The following GNPTAB variants were observed in gnomAD, a reference collection of about 807,000 sequenced individuals.
The protein encoded by GNPTAB is N-acetylglucosamine-1-phosphotransferase subunits alpha/beta.
Under a neutral mutation model 136.6 loss-of-function variants are expected in GNPTAB, and 92 were observed. The ratio of observed to expected loss-of-function variants is 0.67; its 90% CI spans 0.57 to 0.80. The LOEUF (loss-of-function observed/expected upper bound fraction) is 0.80. GNPTAB is among the 30% of genes least tolerant of loss of function. The pLI, the probability that GNPTAB is intolerant of heterozygous loss-of-function variation, is 0.00. For synonymous variants in GNPTAB, 512 were observed against 535.1 expected (o/e 0.96, Z 0.60); for missense variants, 1,343 against 1,501.8 (o/e 0.89, Z 1.75).
chr12:101,759,890 C>T, intron 16 of GNPTAB, 140 bp downstream of exon 16: 1 of 687,168 alleles, frequency 1.5e-6, no homozygotes, highest in Non-Finnish European at 2.7e-6. Flanking sequence ...TTCGGATTAC[C>T]TGTGCTACTG....
intron 16 of GNPTAB, 65 bp downstream of exon 16, chr12:101,759,965 G>T: frequency 2.1e-6 from 2 of 946,878 alleles, no homozygotes; most frequent in Non-Finnish European, 3.5e-6. Flanking sequence ...ATACAGAAAT[G>T]CTGTAAGTAA....
rs1060499680 is a variant in GNPTAB, at chr12:101,768,036, C to T, written c.1408+1G>A. The T allele has an allele frequency of 6.2e-7, 1 of 1,614,034 alleles. No individual in the cohort carries two copies. On this transcript the variant is annotated splice_donor_variant, in intron 11 of 20. Coordinates refer to ENST00000299314, the MANE Select transcript of GNPTAB (RefSeq NM_024312.5). LOFTEE classifies it high-confidence loss of function. ...CGAATTACAGTTTAACACATCCTTACCAGAGCAATCCCCACCATCCCAATC... is the reference window on the plus strand; with the variant it reads ...CGAATTACAGTTTAACACATCCTTATCAGAGCAATCCCCACCATCCCAATC...
chr12:101,824,965 T>C (rs960304656), intron 1 of GNPTAB, among the ~76,000 whole-genome samples: 1 of 152,166 alleles, frequency 6.6e-6, no homozygotes, highest in Non-Finnish European at 1.5e-5. Flanking sequence ...CTTCCTAAAA[T>C]AATCTTTCCT....
rs1594214034 is a variant in GNPTAB at position 101,764,694 on chromosome 12, C to T, written c.2223G>A (p.Met741Ile). Residue 741 changes from methionine (M) to isoleucine (I), a missense_variant, in exon 13 of 21, where the codon ATG becomes ATA. By Grantham distance (10) the Met-to-Ile change is conservative (BLOSUM62 1). Coordinates refer to ENST00000299314, the MANE Select transcript of GNPTAB (RefSeq NM_024312.5). ...TTTTTATTTTAGCATGCTGTGAGTT[C>T]ATCAGAAATGATCTCAGCAAGGCTG... ...SKSALLRSFL[M>I]NSQHAKIKNQ... 6.2e-7 allele frequency: 1 copy of T among 1,613,008 alleles called. No individual in the cohort carries two copies. The highest frequency in any genetic ancestry group is 2.2e-5 in the East Asian group (1 of 44,886).
rs769275491 is a variant in GNPTAB, at chr12:101,767,962, T to C, written c.1408+75A>G. 111 of 1,443,014 alleles carry C rather than the reference T, an allele frequency of 7.7e-5. No individual in the cohort carries two copies. In the East Asian group the frequency reaches 2.2e-3, roughly 29 times the overall value. 89.4% of individuals were successfully genotyped at this position (1,443,014 alleles called of 1,614,324 possible). A position where few individuals can be genotyped will look rare whatever the true frequency, so the allele number is the denominator to read the frequency against. ...CATAAAGAATGTTTGGTTAAGTCTATAGCACATGTTCAATAATGATTAAGA... is the reference window on the plus strand; with the variant it reads ...CATAAAGAATGTTTGGTTAAGTCTACAGCACATGTTCAATAATGATTAAGA... On this transcript the variant is annotated intron_variant, in intron 11 of 20. Transcript: ENST00000299314.
In GNPTAB at chr12:101,830,701, C is replaced by T; in HGVS notation, c.-26G>A. 1 of 1,433,412 alleles carries T rather than the reference C, an allele frequency of 7.0e-7. No homozygotes were observed. The highest frequency in any genetic ancestry group is 9.6e-7 in the Non-Finnish European group (1 of 1,037,066). The allele number at this position is 1,433,412 out of a possible 1,614,324, so 88.8% of individuals were successfully genotyped here. A position where few individuals can be genotyped will look rare whatever the true frequency, so the allele number is the denominator to read the frequency against. On this transcript the variant is annotated 5_prime_UTR_variant, in exon 1 of 21. Transcript: ENST00000299314. ...CACCCCTTCACCGCCACGCCACGCC[C>T]CGAGGAGCCTGAGCCGCCGCCGCCG... is the stretch of plus-strand genomic sequence containing the variant.
chr12:101,821,057 C>CAAAAA (rs57630700), intron 1 of GNPTAB, among the ~76,000 whole-genome samples: 2 of 28,684 alleles, frequency 7.0e-5, no homozygotes, highest in African/African-American at 9.5e-5. Flanking sequence ...GACTCCGTCT[C>CAAAAA]AAAAAAAAAA....
rs1321115089 is a variant in GNPTAB, at chr12:101,757,425, CTT to C, written c.3336-117_3336-116del. On this transcript the variant is annotated intron_variant, in intron 17 of 20. Transcript: ENST00000299314. ...AGTGGACTCAACATCCACAAAATAA[CTT>C]AAACTTTTAATACTACTACAGCAAA... 7 of 788,100 alleles carry C rather than the reference CTT, an allele frequency of 8.9e-6. No individual in the cohort carries two copies. In the East Asian group the frequency reaches 1.9e-4, roughly 21 times the overall value. The allele number at this position is 788,100 out of a possible 1,614,324, so 48.8% of individuals were successfully genotyped here.
rs527656208 is a variant in GNPTAB at position 101,775,096 on chromosome 12, C to T, written c.772-3939G>A. Among the ~76,000 whole-genome samples the T allele has an allele frequency of 1.7e-4, 26 of 152,302 alleles. No individual in the cohort carries two copies. In the Middle Eastern group the frequency reaches 0.01, roughly 60 times the overall value. On this transcript the variant is annotated intron_variant, in intron 7 of 20. Coordinates refer to ENST00000299314, the MANE Select transcript of GNPTAB (RefSeq NM_024312.5). ...CAAGGATAGCGGCAACAGGTCTAAA[C>T]TGTGAATGGTGCAAAGGTGGAGAAA... is the stretch of plus-strand genomic sequence containing the variant.
intron 5 of GNPTAB, among the ~76,000 whole-genome samples, chr12:101,782,984 A>G (rs1868430625): frequency 6.6e-6 from 1 of 151,594 alleles, no homozygotes; most frequent in Admixed American, 6.6e-5. Context: ...CTACCATCCA[A>G]ATTAGAATTG....
intron 5 of GNPTAB, among the ~76,000 whole-genome samples, chr12:101,781,700 C>T (rs367597613): frequency 6.6e-6 from 1 of 151,892 alleles, no homozygotes; most frequent in South Asian, 2.1e-4. Context: ...TGAAAAAAAA[C>T]AATATAGTTG....
chr12:101,819,016 CTT>C (rs112486354), intron 1 of GNPTAB, among the ~76,000 whole-genome samples: 1 of 145,350 alleles, frequency 6.9e-6, no homozygotes. Context: ...ACTCTTTTTC[CTT>C]TTTTTTTTTT....
chr12:101,826,943 G>A (rs1225520268), intron 1 of GNPTAB, among the ~76,000 whole-genome samples: 1 of 147,330 alleles, frequency 6.8e-6, no homozygotes, highest in Non-Finnish European at 1.5e-5. Context: ...CTCTCCCTGT[G>A]GGAGTTGTTT....
rs554111631 is a variant in GNPTAB, at chr12:101,761,142, C to T, written c.3120G>A (p.Leu1040=). ...AATACAACACCTGCAAACTTAACGG[C>T]AGTTCGTGAATTCTGGTAGCCAGTG... ...IRTLATRIHE[L]PLSLQDLTGL... The change falls in exon 15 of 21, where the codon CTG becomes CTA. Residue 1040 remains leucine (L), a synonymous_variant. Transcript: ENST00000299314. 5.0e-6 allele frequency: 8 copies of T among 1,612,300 alleles called. No homozygotes were observed. The Admixed American group carries it at 1.3e-4, about 27-fold the overall frequency.
At chr12:101,757,048 T>A (rs990622910) in intron 18 of GNPTAB, 164 bp downstream of exon 18, 1 of 582,034 alleles carries the variant, frequency 1.7e-6, no homozygotes, top group Non-Finnish European at 3.0e-6. Flanking sequence ...GGGGACCCTA[T>A]CTCAACTTGC....
intron 2 of GNPTAB, chr12:101,795,849 G>C (rs1869251980): frequency 5.9e-6 from 1 of 168,814 alleles, no homozygotes; most frequent in Non-Finnish European, 1.3e-5. Flanking sequence ...ATAGTGAGAA[G>C]ACAGAAACAA....
intron 1 of GNPTAB, among the ~76,000 whole-genome samples, chr12:101,817,891 C>T (rs1870587490): frequency 1.3e-5 from 2 of 152,234 alleles, no homozygotes; most frequent in Admixed American, 6.5e-5. Context: ...CCCCCACCTG[C>T]AATTCATCTT....
intron 10 of GNPTAB, among the ~76,000 whole-genome samples, chr12:101,768,407 A>C (rs758401551): frequency 6.6e-5 from 10 of 152,212 alleles, no homozygotes; most frequent in Non-Finnish European, 1.2e-4. Context: ...GAAAGCAGAC[A>C]AGGATTCAAC....
intron 1 of GNPTAB, among the ~76,000 whole-genome samples, chr12:101,800,262 A>G (rs1439587328): frequency 6.6e-6 from 1 of 152,004 alleles, no homozygotes; most frequent in Non-Finnish European, 1.5e-5. Context: ...AATTGGGAGG[A>G]TCGCCTGAGC....
Sources: allele counts gnomAD v4.1 joint callset (sites outside exome capture counted in the v4.1 genomes callset), GRCh38; gene constraint gnomAD v4.1.1; transcripts MANE v1.5; gene names NCBI Gene and HGNC (gene_info 2026-07-23, HGNC 2026-07-21).